RRBP1: variants seen among roughly 807,000 people sequenced by gnomAD.
RRBP1 encodes ribosome-binding protein 1.
In RRBP1, 94 loss-of-function variants were observed where a neutral mutation model predicts 165.2. The observed-to-expected ratio is 0.57, with a 90% CI of 0.48 to 0.68. The LOEUF is 0.68. Ranked by LOEUF, RRBP1 falls within the 30% of genes least tolerant of loss-of-function variation. RRBP1 has a pLI of 0.00. For missense variants in RRBP1, 1,676 were observed against 1,763.0 expected (o/e 0.95, Z 0.88); for synonymous variants, 680 against 714.5 (o/e 0.95, Z 0.77).
intron 2 of RRBP1, 24 bp from the exon 3 acceptor site, chr20:17,660,552 C>T (rs754704833): frequency 6.3e-6 from 9 of 1,419,588 alleles, no homozygotes; most frequent in African/African-American, 2.9e-5. Flanking sequence ...ATGGAGGTTA[C>T]TATTTATAGA....
rs2036735646 is a variant in RRBP1 at position 17,660,178 on chromosome 20, G to T, written c.330C>A (p.Thr110=). The T allele has an allele frequency of 6.2e-7, 1 of 1,613,838 alleles. No homozygotes were observed. The highest frequency in any genetic ancestry group is 8.5e-7 in the Non-Finnish European group (1 of 1,179,976). Reference sequence around the variant, plus strand: ...CAACGATAATGGGGGGCTGCACTGGGGTTGGAGCCACAGCCACAGCAGGAG... The same window carrying T: ...CAACGATAATGGGGGGCTGCACTGGTGTTGGAGCCACAGCCACAGCAGGAG... ...VRAPAVAVAP[T]PVQPPIIVAP... is the part of the protein sequence containing the mutation. Residue 110 remains threonine, a synonymous_variant, in exon 3 of 25, where the codon ACC becomes ACA. Transcript: ENST00000377813.
chr20:17,680,584 T>C (rs1180887012), intron 1 of RRBP1, among the ~76,000 whole-genome samples: 1 of 151,932 alleles, frequency 6.6e-6, no homozygotes, highest in Non-Finnish European at 1.5e-5. Flanking sequence ...TTGTACAAGG[T>C]CCCAGCACTT....
In RRBP1 at chr20:17,643,296, T is replaced by C. The variant is rs1445940848; in HGVS notation, c.1913-169A>G. 2.0e-5 allele frequency among the ~76,000 whole-genome samples: 3 copies of C among 152,096 alleles called. No homozygotes were observed. The East Asian group carries it at 5.8e-4, about 29-fold the overall frequency. ...AGTCTGCTCCAGTGTCTCCTGCTCT[T>C]TCAGGACACCAAGAAACTGACTCAA... On this transcript the variant is annotated intron_variant, in intron 3 of 24. Coordinates refer to ENST00000377813, the MANE Select transcript of RRBP1 (RefSeq NM_001365613.2). This position sits in a 1 kb window ranked among gnomAD's most constrained non-coding sequence, Gnocchi z 4.3.
chr20:17,662,626 G>A (rs539536954), intron 2 of RRBP1, among the ~76,000 whole-genome samples: 5 of 152,278 alleles, frequency 3.3e-5, no homozygotes, highest in East Asian at 1.9e-4. Context: ...GCACTCTCAC[G>A]TTTGATCATC....
chr20:17,614,571 GTC>G (rs1420410800), intron 24 of RRBP1, among the ~76,000 whole-genome samples, 164 bp downstream of exon 24: 2 of 152,188 alleles, frequency 1.3e-5, no homozygotes, highest in Admixed American at 6.5e-5. Flanking sequence ...TCGTTAGGAA[GTC>G]TCTGTCCCCA....
chr20:17,658,015 G>C (rs1482318301), intron 3 of RRBP1, among the ~76,000 whole-genome samples: 2 of 152,220 alleles, frequency 1.3e-5, no homozygotes, highest in Admixed American at 6.5e-5. Flanking sequence ...CCAACACGCA[G>C]AACTCTTCTA....
rs2035984589 is a variant in RRBP1 at position 17,624,789 on chromosome 20, C to T, written c.3055-121G>A. On this transcript the variant is annotated intron_variant, in intron 12 of 24. Transcript: ENST00000377813. ...GATGCCACCCTGGCCCACAGAGGAC[C>T]TGCCACGGGACAAAATGCCCCTTCC... 9 of 699,974 alleles carry T rather than the reference C, an allele frequency of 1.3e-5. No homozygotes were observed. In the East Asian group the frequency reaches 2.4e-4, roughly 19 times the overall value. The allele number at this position is 699,974 out of a possible 1,614,324, so 43.4% of individuals were successfully genotyped here.
chr20:17,671,700 C>G (rs528038125), intron 2 of RRBP1, among the ~76,000 whole-genome samples: 1 of 152,300 alleles, frequency 6.6e-6, no homozygotes, highest in East Asian at 1.9e-4. Context: ...ATCTCTGCCC[C>G]CTGCGCCTGG....
chr20:17,615,882 C>A (rs1440167951), intron 22 of RRBP1, 44 bp downstream of exon 22: 2 of 1,528,626 alleles, frequency 1.3e-6, no homozygotes, highest in African/African-American at 2.7e-5. Context: ...AGACTCAGGG[C>A]CCAGGGGCTG....
chr20:17,620,354 T>C lies in RRBP1; in HGVS notation c.3524A>G (p.Lys1175Arg), dbSNP rs766196308. 5.0e-6 allele frequency: 8 copies of C among 1,613,732 alleles called. No individual in the cohort carries two copies. Among genetic ancestry groups the C allele is most frequent in the Non-Finnish European group, 6.8e-6 (8 of 1,179,850 alleles). The change falls in exon 18 of 25, where the codon AAG (lysine) becomes AGG (arginine). Residue 1175 changes from lysine to arginine, a missense_variant. Transcript: ENST00000377813. ...EELQKSRVTV[K>R]HLEEIVEKLK... ...CTTCTCTACAATCTCTTCGAGATGC[T>C]TCACTGTGACCCGGGACTACAAAGC...
At chr20:17,675,719 G>A (rs941408708) in intron 2 of RRBP1, among the ~76,000 whole-genome samples, 4 of 152,240 alleles carry the variant, frequency 2.6e-5, no homozygotes, top group African/African-American at 9.6e-5. Flanking sequence ...AGAGGCCACC[G>A]TGGCTGCAGC....
At chr20:17,647,695 A>C (rs1332512541) in intron 3 of RRBP1, among the ~76,000 whole-genome samples, 2 of 152,188 alleles carry the variant, frequency 1.3e-5, no homozygotes, top group Non-Finnish European at 2.9e-5. Context: ...ATGGAACCTG[A>C]AACAGCATGG....
At chr20:17,679,047 T>C (rs1341712195) in intron 2 of RRBP1, among the ~76,000 whole-genome samples, 2 of 152,106 alleles carry the variant, frequency 1.3e-5, no homozygotes, top group African/African-American at 4.8e-5. Context: ...GGAGGGAACA[T>C]TTGGAAGGCC....
At chr20:17,665,595 T>C (rs967901841) in intron 2 of RRBP1, among the ~76,000 whole-genome samples, 3 of 152,168 alleles carry the variant, frequency 2.0e-5, no homozygotes, top group Admixed American at 6.5e-5. Context: ...CTGGGGTTTA[T>C]TTATTTTCAC....
At chr20:17,651,047 C>T (rs1323497743) in intron 3 of RRBP1, among the ~76,000 whole-genome samples, 2 of 152,208 alleles carry the variant, frequency 1.3e-5, no homozygotes, top group African/African-American at 2.4e-5. Context: ...ACCCGGAACA[C>T]GGGGAAGCTT....
Position 17,620,770 on chromosome 20 carries a change from T to A in RRBP1, c.3452A>T (p.Glu1151Val). 6.2e-7 allele frequency: 1 copy of A among 1,608,814 alleles called. No homozygotes were observed. Among genetic ancestry groups the A allele is most frequent in the Non-Finnish European group, 8.5e-7 (1 of 1,179,818 alleles). ...MLRDLQKSVE[E>V]EEQVWRAKVG... ...CTTGGCCCTCCACACCTGCTCCTCC[T>A]CCTCCACGCTCTTCTGCAGGTCTCT... The change falls in exon 17 of 25, where the codon GAG becomes GTG. Residue 1151 changes from glutamate (E) to valine (V), a missense_variant. Physicochemically the swap from Glu to Val is moderately radical, Grantham distance 121. This residue lies in a region of RRBP1 where 1,184 missense variants were observed against 1,167.1 expected (regional missense o/e 1.01). Coordinates refer to ENST00000377813, the MANE Select transcript of RRBP1 (RefSeq NM_001365613.2).
At chr20:17,641,335 G>C (rs2036353315) in intron 5 of RRBP1, 1 of 170,310 alleles carries the variant, frequency 5.9e-6, no homozygotes, top group Admixed American at 5.5e-5. Context: ...TCTGACATCA[G>C]AAAAAGGGAG....
chr20:17,659,643 C>G lies in RRBP1; in HGVS notation c.865G>C (p.Gly289Arg). ...TTCTGAGCCCCCTCGGCCTTTCTGCCCTGGGTTGGGGCCCCCTCCACCTTT... is the reference window on the plus strand; with the variant it reads ...TTCTGAGCCCCCTCGGCCTTTCTGCGCTGGGTTGGGGCCCCCTCCACCTTT... ...GKKVEGAPTQ[G>R]RKAEGAQNQA... The change falls in exon 3 of 25, where the codon GGC (glycine) becomes CGC (arginine). Residue 289 changes from glycine (G) to arginine (R), a missense_variant. By Grantham distance (125) the Gly-to-Arg change is moderately radical (BLOSUM62 -2). This residue lies in a region of RRBP1 where 392 missense variants were observed against 382.5 expected (regional missense o/e 1.02). Coordinates refer to ENST00000377813, the MANE Select transcript of RRBP1 (RefSeq NM_001365613.2). 6.4e-7 allele frequency: 1 copy of G among 1,550,490 alleles called. No homozygotes were observed. Among genetic ancestry groups the G allele is most frequent in the African/African-American group, 1.4e-5 (1 of 73,124 alleles).
At chr20:17,614,626 G>C in intron 24 of RRBP1, 111 bp downstream of exon 24, 1 of 1,388,950 alleles carries the variant, frequency 7.2e-7, no homozygotes, top group South Asian at 1.3e-5. Flanking sequence ...TCCCAGCCCA[G>C]CGCTCCCAGC....
Sources: gnomAD v4.1 joint callset for allele counts (sites outside exome capture counted in the v4.1 genomes callset) on GRCh38, gnomAD v4.1.1 for gene constraint, gnomAD v4.1.1 regional missense constraint, Gnocchi (gnomAD v3.1) non-coding constraint, MANE v1.5 for transcripts, NCBI Gene and HGNC (gene_info 2026-07-23, HGNC 2026-07-21) for gene names.